UBE2J1: variants seen among roughly 807,000 people sequenced by gnomAD.
The protein encoded by UBE2J1 is ubiquitin-conjugating enzyme E2 J1.
Under a neutral mutation model 42.1 loss-of-function variants are expected in UBE2J1, and 17 were observed. That is an observed-to-expected ratio of 0.40 (90% confidence interval 0.28 to 0.61). UBE2J1 has a LOEUF of 0.61. Ranked by LOEUF, UBE2J1 falls within the 20% of genes least tolerant of loss-of-function variation. The pLI, the probability that UBE2J1 is intolerant of heterozygous loss-of-function variation, is 0.38. For missense variants in UBE2J1, 291 were observed against 389.4 expected (o/e 0.75, Z 2.13); for synonymous variants, 127 against 137.2 (o/e 0.93, Z 0.52).
chr6:89,345,749 A>C (rs1040496784), intron 1 of UBE2J1, among the ~76,000 whole-genome samples: 1 of 151,098 alleles, frequency 6.6e-6, no homozygotes, highest in African/African-American at 2.4e-5. Flanking sequence ...CTCTACTAAA[A>C]ATACAAAATT....
intron 1 of UBE2J1, among the ~76,000 whole-genome samples, chr6:89,350,147 A>C (rs758273386): frequency 6.6e-6 from 1 of 152,226 alleles, no homozygotes; most frequent in Non-Finnish European, 1.5e-5. Context: ...AAAAAACCAT[A>C]AAGCAAAAAG....
intron 5 of UBE2J1, among the ~76,000 whole-genome samples, chr6:89,335,645 GCT>G (rs1217117045): frequency 6.6e-6 from 1 of 151,940 alleles, no homozygotes; most frequent in Non-Finnish European, 1.5e-5. Context: ...AAAATCCAGG[GCT>G]CAGATGCTAT....
intron 1 of UBE2J1, among the ~76,000 whole-genome samples, chr6:89,348,324 A>G (rs2127873729): frequency 6.6e-6 from 1 of 152,324 alleles, no homozygotes; most frequent in East Asian, 1.9e-4. Flanking sequence ...CCTAGGCATT[A>G]GCATTCTTCA....
intron 5 of UBE2J1, among the ~76,000 whole-genome samples, chr6:89,337,586 A>C (rs1026413322): frequency 6.6e-6 from 1 of 152,100 alleles, no homozygotes; most frequent in African/African-American, 2.4e-5. Flanking sequence ...AAAAATTATC[A>C]ACATCAAAAA....
chr6:89,332,425 G>A (rs1768026646), intron 7 of UBE2J1, among the ~76,000 whole-genome samples: 1 of 152,138 alleles, frequency 6.6e-6, no homozygotes, highest in South Asian at 2.1e-4. Context: ...AACACTCATA[G>A]CATTCATTCT....
chr6:89,352,489 G>C (rs9353667), intron 1 of UBE2J1, 50 bp downstream of exon 1: 2 of 1,527,804 alleles, frequency 1.3e-6, no homozygotes, highest in South Asian at 2.4e-5. Context: ...ACCACCCCGG[G>C]GTCCAGGGTC....
In UBE2J1 at chr6:89,338,536, C is replaced by A; in HGVS notation, c.245G>T (p.Gly82Val). The A allele has an allele frequency of 6.3e-7, 1 of 1,575,016 alleles. No individual in the cohort carries two copies. The highest frequency in any genetic ancestry group is 8.6e-7 in the Non-Finnish European group (1 of 1,167,818). Residue 82 changes from glycine (G) to valine (V), a missense_variant, in exon 4 of 8, where the codon GGT becomes GTT. Transcript: ENST00000435041. ...PPSIILLTAN[G>V]RFEVGKKICL... ...GATTTTCTTGCCCACTTCAAATCGA[C>A]CATTAGCCTGAGGAATAAACAATGC...
At chr6:89,331,510 GATTC>G (rs1768007818) in intron 7 of UBE2J1, among the ~76,000 whole-genome samples, 1 of 152,096 alleles carries the variant, frequency 6.6e-6, no homozygotes, top group Non-Finnish European at 1.5e-5. Context: ...CCAATCCTAA[GATTC>G]ATTCATTCAA....
chr6:89,330,938 GA>G (rs1767998239), intron 7 of UBE2J1, among the ~76,000 whole-genome samples: 2 of 152,126 alleles, frequency 1.3e-5, no homozygotes, highest in Non-Finnish European at 2.9e-5. Context: ...CCTACCCTGG[GA>G]AAAGGAGAAA....
chr6:89,338,865 C>G (rs944359746), intron 3 of UBE2J1, among the ~76,000 whole-genome samples: 1 of 151,764 alleles, frequency 6.6e-6, no homozygotes, highest in Non-Finnish European at 1.5e-5. Context: ...CGGGGTTTCA[C>G]CGTGTTAGCC....
chr6:89,333,046 G>C, intron 7 of UBE2J1, 40 bp downstream of exon 7: 1 of 1,515,980 alleles, frequency 6.6e-7, no homozygotes. Context: ...CAGTGATAAT[G>C]ATAGAGACAT....
chr6:89,337,685 A>G (rs1354045248), intron 5 of UBE2J1, among the ~76,000 whole-genome samples: 1 of 152,194 alleles, frequency 6.6e-6, no homozygotes, highest in Non-Finnish European at 1.5e-5. Context: ...GCACCTGAAA[A>G]AAACAGAGAA....
At chr6:89,343,779 G>C in intron 1 of UBE2J1, 23 bp from the exon 2 acceptor site, 1 of 1,552,174 alleles carries the variant, frequency 6.4e-7, no homozygotes, top group African/African-American at 1.4e-5. Context: ...TCATAAAATA[G>C]AGATATTTAA....
chr6:89,348,630 A>C (rs1261147933), intron 1 of UBE2J1, among the ~76,000 whole-genome samples: 1 of 152,210 alleles, frequency 6.6e-6, no homozygotes, highest in Admixed American at 6.5e-5. Context: ...CATTTAAAGA[A>C]TGTCTGAGTG....
intron 4 of UBE2J1, 38 bp from the exon 5 acceptor site, chr6:89,338,348 G>C: frequency 6.3e-7 from 1 of 1,585,904 alleles, no homozygotes; most frequent in Non-Finnish European, 8.6e-7. Context: ...AAATTGCTTT[G>C]TAAAAGCAAC....
In UBE2J1 at chr6:89,329,501, C is replaced by T. The variant is rs1005101750; in HGVS notation, c.*178G>A. 1.1e-5 allele frequency: 7 copies of T among 661,196 alleles called. No homozygotes were observed. Among genetic ancestry groups the T allele is most frequent in the East Asian group, 5.6e-5 (2 of 35,968 alleles). The allele number at this position is 661,196 out of a possible 1,614,324, so 41.0% of individuals were successfully genotyped here. ...TGACTTCTAGTCCCTTTAAGCAGGA[C>T]GTAACTGCTAGACACAGTCTGAATG... On this transcript the variant is annotated 3_prime_UTR_variant, in exon 8 of 8. Transcript: ENST00000435041.
chr6:89,344,912 A>T (rs927902311), intron 1 of UBE2J1, among the ~76,000 whole-genome samples: 13 of 152,176 alleles, frequency 8.5e-5, no homozygotes, highest in Non-Finnish European at 1.5e-5. Context: ...CAATCCTTTG[A>T]TATGCACTCT....
In UBE2J1 at chr6:89,352,594, C is replaced by T. The variant is rs746704020; in HGVS notation, c.-25G>A. On this transcript the variant is annotated 5_prime_UTR_variant, in exon 1 of 8. Transcript: ENST00000435041. The stretch of plus-strand genomic sequence containing the variant: ...TGGTGGGTCGCTGGCTTGGCTCCGG[C>T]CTCCCGGGCCGCTGCCACCTCCTCT... 5 of 1,552,520 alleles carry T rather than the reference C, an allele frequency of 3.2e-6. No individual in the cohort carries two copies. The highest frequency in any genetic ancestry group is 1.8e-5 in the Admixed American group (1 of 55,380).
At position 89,338,470 on chromosome 6, in the gene UBE2J1, G is replaced by C; in HGVS notation, c.311C>G (p.Pro104Arg). The part of the protein sequence containing the change: ...ISGHHPETWQ[P>R]SWSIRTALLA... ...AAATTAACACTTACTACTCCACGAA[G>C]GCTGCCAAGTTTCAGGATGATGGCC... The change falls in exon 4 of 8, where the codon CCT (proline) becomes CGT (arginine). Residue 104 changes from proline (P) to arginine (R), a missense_variant. Coordinates refer to ENST00000435041, the MANE Select transcript of UBE2J1 (RefSeq NM_016021.3). 6.2e-7 allele frequency: 1 copy of C among 1,609,906 alleles called. No individual in the cohort carries two copies. The highest frequency in any genetic ancestry group is 2.2e-5 in the East Asian group (1 of 44,816).
Sources: gnomAD v4.1 joint callset for allele counts (sites outside exome capture counted in the v4.1 genomes callset) on GRCh38, gnomAD v4.1.1 for gene constraint, MANE v1.5 for transcripts, NCBI Gene and HGNC (gene_info 2026-07-23, HGNC 2026-07-21) for gene names.